C9: variants seen among roughly 807,000 people sequenced by gnomAD.
C9 encodes the protein complement component C9.
Under a neutral mutation model 65.4 loss-of-function variants are expected in C9, and 63 were observed. That is an observed-to-expected ratio of 0.96 (90% CI 0.79 to 1.19). The LOEUF (loss-of-function observed/expected upper bound fraction) is 1.19. C9 is among the 50% of genes most tolerant of loss of function. The pLI is 0.00. For synonymous variants in C9, 229 were observed against 227.9 expected (o/e 1.00, Z -0.04); for missense variants, 744 against 670.1 (o/e 1.11, Z -1.22).
intron 9 of C9, among the ~76,000 whole-genome samples, chr5:39,290,863 G>C (rs1416086582): frequency 6.6e-6 from 1 of 151,900 alleles, no homozygotes; most frequent in African/African-American, 2.4e-5. Flanking sequence ...TGGGGACTAA[G>C]AGGGAAGTGG....
intron 9 of C9, among the ~76,000 whole-genome samples, chr5:39,299,250 T>C (rs1004845909): frequency 1.3e-5 from 2 of 152,002 alleles, no homozygotes; most frequent in African/African-American, 4.8e-5. Flanking sequence ...TGCAACTACT[T>C]TGGAAAAAAA....
At chr5:39,350,787 A>G (rs1341896923) in intron 1 of C9, among the ~76,000 whole-genome samples, 1 of 152,156 alleles carries the variant, frequency 6.6e-6, no homozygotes, top group African/African-American at 2.4e-5. Context: ...GCTGACATTG[A>G]GTGCCTGCAG....
intron 5 of C9, among the ~76,000 whole-genome samples, chr5:39,317,627 A>G (rs778564767): frequency 2.2e-4 from 33 of 152,116 alleles, no homozygotes; most frequent in Non-Finnish European, 3.7e-4. Context: ...TGTTTTGGTC[A>G]GAGTTGTTGA....
intron 1 of C9, among the ~76,000 whole-genome samples, chr5:39,356,082 A>C (rs1435481574): frequency 4.3e-4 from 65 of 152,222 alleles, no homozygotes; most frequent in Non-Finnish European, 1.2e-4. Flanking sequence ...ATTTTGATTA[A>C]GTAAACCCTT....
At chr5:39,294,863 C>T (rs1753156101) in intron 9 of C9, among the ~76,000 whole-genome samples, 1 of 151,766 alleles carries the variant, frequency 6.6e-6, no homozygotes, top group African/African-American at 2.4e-5. Flanking sequence ...AAAGATAATA[C>T]AGCATGATCA....
intron 9 of C9, among the ~76,000 whole-genome samples, chr5:39,295,297 T>C (rs1283578045): frequency 6.6e-6 from 1 of 151,836 alleles, no homozygotes; most frequent in African/African-American, 2.4e-5. Flanking sequence ...TGATCTTATA[T>C]GTAGAAAATC....
At chr5:39,292,426 C>T (rs1335271229) in intron 9 of C9, among the ~76,000 whole-genome samples, 1 of 147,378 alleles carries the variant, frequency 6.8e-6, no homozygotes, top group Non-Finnish European at 1.5e-5. Context: ...CTTTTTTTTT[C>T]AGAGAAGAAA....
chr5:39,354,473 A>G (rs1306153756), intron 1 of C9, among the ~76,000 whole-genome samples: 1 of 152,248 alleles, frequency 6.6e-6, no homozygotes, highest in Admixed American at 6.5e-5. Context: ...CAATGTTGAG[A>G]AACACTGCTT....
At chr5:39,290,887 CT>C (rs1409618764) in intron 9 of C9, among the ~76,000 whole-genome samples, 1 of 151,882 alleles carries the variant, frequency 6.6e-6, no homozygotes, top group Non-Finnish European at 1.5e-5. Context: ...TAGGATAGCT[CT>C]GGCAGAAACT....
Position 39,359,102 on chromosome 5 carries a change from G to GTGTGTA in C9, c.77+5285_77+5286insTACACA, listed in dbSNP as rs1407613505. ...TGTATATATATATGTGTGTGTGTGT[G>GTGTGTA]TATATATATATATATATATATATGT... On this transcript the variant is annotated intron_variant, in intron 1 of 10. Coordinates refer to ENST00000263408, the MANE Select transcript of C9 (RefSeq NM_001737.5). 2.0e-3 allele frequency among the ~76,000 whole-genome samples: 201 copies of GTGTGTA among 103,072 alleles called. 1 individual carries two copies. The highest frequency in any genetic ancestry group is 2.9e-3 in the Non-Finnish European group (149 of 51,688). 67.6% of individuals were successfully genotyped at this position (103,072 alleles called of 152,430 possible). A position where few individuals can be genotyped will look rare whatever the true frequency, so the allele number is the denominator to read the frequency against.
intron 5 of C9, among the ~76,000 whole-genome samples, chr5:39,329,671 G>A (rs1046043312): frequency 1.3e-5 from 2 of 152,128 alleles, no homozygotes; most frequent in Non-Finnish European, 2.9e-5. Flanking sequence ...TTGCCAATAA[G>A]TAACTAAGGC....
chr5:39,360,156 A>G (rs1056743461), intron 1 of C9, among the ~76,000 whole-genome samples: 7 of 152,368 alleles, frequency 4.6e-5, no homozygotes, highest in African/African-American at 1.7e-4. Flanking sequence ...ATTAAATAAT[A>G]GTTGCTAACA....
At chr5:39,358,148 C>A (rs1210303716) in intron 1 of C9, among the ~76,000 whole-genome samples, 4 of 152,100 alleles carry the variant, frequency 2.6e-5, no homozygotes, top group Admixed American at 2.6e-4. Context: ...GCCCAGGCAA[C>A]CCCTGGATTT....
chr5:39,349,014 C>A (rs1236310308), intron 1 of C9, among the ~76,000 whole-genome samples: 24 of 43,494 alleles, frequency 5.5e-4, no homozygotes, highest in African/African-American at 2.3e-3. Flanking sequence ...CACACTGGGG[C>A]ATGTTGTGGG....
In C9 at chr5:39,295,852, CAGAACAG is replaced by C. The variant is rs554297256; in HGVS notation, c.1417-6908_1417-6902del. 8.0e-4 allele frequency among the ~76,000 whole-genome samples: 122 copies of C among 151,788 alleles called. 1 individual carries two copies. Among genetic ancestry groups the C allele is most frequent in the African/African-American group, 2.9e-3 (119 of 41,490 alleles). Reference sequence around the variant, plus strand: ...AAAACAGGCACATAAGCAAATGGAACAGAACAGAGAACCGGAAATTAATATATCTATC... The same window carrying C: ...AAAACAGGCACATAAGCAAATGGAACAGAACCGGAAATTAATATATCTATC... On this transcript the variant is annotated intron_variant, in intron 9 of 10. Transcript: ENST00000263408.
At chr5:39,301,988 T>C (rs1753292114) in intron 9 of C9, among the ~76,000 whole-genome samples, 1 of 152,066 alleles carries the variant, frequency 6.6e-6, no homozygotes, top group African/African-American at 2.4e-5. Context: ...AAGAAATTCA[T>C]CTTGTTATAC....
intron 1 of C9, among the ~76,000 whole-genome samples, chr5:39,343,795 TCA>T (rs751407614): frequency 2.0e-5 from 3 of 152,122 alleles, no homozygotes; most frequent in Non-Finnish European, 2.9e-5. Flanking sequence ...GACTGACACC[TCA>T]CATGGCTGGG....
intron 1 of C9, among the ~76,000 whole-genome samples, chr5:39,353,857 GT>G (rs1217567715): frequency 5.9e-5 from 9 of 151,374 alleles, no homozygotes; most frequent in East Asian, 1.9e-4. Context: ...CTCAGGAAGG[GT>G]TTTTTTTTAA....
At position 39,321,147 on chromosome 5, in the gene C9, T is replaced by C. The variant is rs116049301; in HGVS notation, c.616-5118A>G. ...AAATTCAGAATACTCTCACACCATA[T>C]TGATGATGTACAAATCAAGTATATC... On this transcript the variant is annotated intron_variant, in intron 5 of 10. Transcript: ENST00000263408. Among the ~76,000 whole-genome samples the C allele has an allele frequency of 3.6e-3, 549 of 152,202 alleles. 2 individuals carry two copies. The highest frequency in any genetic ancestry group is 0.012 in the African/African-American group (518 of 41,544).
Sources: allele counts gnomAD v4.1 joint callset (sites outside exome capture counted in the v4.1 genomes callset), GRCh38; gene constraint gnomAD v4.1.1; transcripts MANE v1.5; gene names NCBI Gene and HGNC (gene_info 2026-07-23, HGNC 2026-07-21).